The following UGT2A2 variants were observed in gnomAD, a reference collection of about 807,000 sequenced individuals.
UGT2A2 encodes the protein UDP glucuronosyltransferase family 2 member A2.
In UGT2A2, 60 loss-of-function variants were observed where a neutral mutation model predicts 50.7. The observed-to-expected ratio is 1.18, with a 90% confidence interval of 0.96 to 1.47. The LOEUF is 1.47. UGT2A2 is among the 40% of genes most tolerant of loss of function. The probability of loss-of-function intolerance (pLI) is 0.00; values close to 1 mark genes in which losing one functional copy is unlikely to be tolerated. For missense variants in UGT2A2, 762 were observed against 634.0 expected, an observed-to-expected ratio of 1.20 and a Z score of -2.17; for synonymous variants, 242 against 214.6, an observed-to-expected ratio of 1.13 and a Z score of -1.11.
At chr4:69,618,267 T>C (rs1452630886) in intron 1 of UGT2A2, among the ~76,000 whole-genome samples, 2 of 148,598 alleles carry the variant, frequency 1.3e-5, no homozygotes, top group East Asian at 4.0e-4. Context: ...GAAGAATGTA[T>C]TACATTTGGT....
intron 1 of UGT2A2, among the ~76,000 whole-genome samples, chr4:69,629,621 T>C (rs1388213270): frequency 6.6e-6 from 1 of 151,982 alleles, no homozygotes; most frequent in African/African-American, 2.4e-5. Context: ...TTCAGGTGAG[T>C]TAGTTGATAA....
At chr4:69,619,431 A>G (rs1314013525) in intron 1 of UGT2A2, among the ~76,000 whole-genome samples, 1 of 151,570 alleles carries the variant, frequency 6.6e-6, no homozygotes, top group African/African-American at 2.4e-5. Context: ...ATAAAATAAA[A>G]TAAAATAAAA....
At chr4:69,609,689 TATACC>T (rs1308459126) in intron 1 of UGT2A2, among the ~76,000 whole-genome samples, 1 of 55,822 alleles carries the variant, frequency 1.8e-5, no homozygotes, top group Non-Finnish European at 3.9e-5. Flanking sequence ...TACCCACACC[TATACC>T]TATACCTATA....
At chr4:69,638,847 A>G (rs1721874102) in intron 1 of UGT2A2, 52 bp downstream of exon 1, 2 of 1,468,844 alleles carry the variant, frequency 1.4e-6, no homozygotes, top group East Asian at 4.8e-5. Context: ...ATATGACAAT[A>G]AGAATAAATA....
chr4:69,595,085 GAATTTATTTGC>G (rs918860499), intron 4 of UGT2A2, 66 bp downstream of exon 4: 5 of 1,522,224 alleles, frequency 3.3e-6, no homozygotes, highest in Non-Finnish European at 4.5e-6. Flanking sequence ...AAAATGTATT[GAATTTATTTGC>G]TATTAAACAG....
chr4:69,600,712 A>G (rs552891117), intron 1 of UGT2A2, among the ~76,000 whole-genome samples: 1 of 152,212 alleles, frequency 6.6e-6, no homozygotes, highest in African/African-American at 2.4e-5. Context: ...GGCCTCAGGA[A>G]GCATCTAATC....
At chr4:69,637,774 T>C (rs1244431416) in intron 1 of UGT2A2, among the ~76,000 whole-genome samples, 1 of 152,148 alleles carries the variant, frequency 6.6e-6, no homozygotes, top group East Asian at 1.9e-4. Context: ...TGATCTGTTT[T>C]GCTTATTGTT....
Position 69,595,228 on chromosome 4 carries a change from T to G in UGT2A2, c.1045A>C (p.Lys349Gln). The G allele has an allele frequency of 6.2e-7, 1 of 1,613,808 alleles. No homozygotes were observed. The highest frequency in any genetic ancestry group is 8.5e-7 in the Non-Finnish European group (1 of 1,179,846). The change falls in exon 4 of 6, where the codon AAG (lysine) becomes CAG (glutamine). Residue 349 changes from lysine to glutamine, a missense_variant. Coordinates refer to ENST00000604629, the MANE Select transcript of UGT2A2 (RefSeq NM_001105677.2). ...PQKVLWRYKG[K>Q]KPATLGNNTQ... ...TTGTTTCCTAATGTGGCTGGTTTCT[T>G]TCCTTTGTATCTCCATAAAACCTGT...
At chr4:69,628,228 A>G (rs1406510635) in intron 1 of UGT2A2, among the ~76,000 whole-genome samples, 4 of 151,882 alleles carry the variant, frequency 2.6e-5, no homozygotes, top group Non-Finnish European at 5.9e-5. Flanking sequence ...TTAAAATCCC[A>G]CTGGCATTTT....
In UGT2A2 at chr4:69,631,077, T is replaced by G. The variant is rs192608713; in HGVS notation, c.742+7822A>C. On this transcript the variant is annotated intron_variant, in intron 1 of 5. Transcript: ENST00000604629. ...CTCTTTCTTAAACTATAACACTACT[T>G]TCTCATTTGAAAAAGAGAATCAGTG... is the stretch of plus-strand genomic sequence containing the variant. Among the ~76,000 whole-genome samples, 552 of 152,236 alleles carry G rather than the reference T, an allele frequency of 3.6e-3. 2 individuals carry two copies. Among genetic ancestry groups the G allele is most frequent in the African/African-American group, 0.013 (531 of 41,584 alleles).
intron 1 of UGT2A2, among the ~76,000 whole-genome samples, chr4:69,627,969 C>T (rs1721183686): frequency 6.6e-6 from 1 of 151,886 alleles, no homozygotes; most frequent in South Asian, 2.1e-4. Flanking sequence ...CCACAGATTG[C>T]CTTTTAAGTT....
chr4:69,591,031 G>T (rs1718568174), intron 5 of UGT2A2, among the ~76,000 whole-genome samples: 1 of 151,944 alleles, frequency 6.6e-6, no homozygotes. Context: ...TTTGGTTTAG[G>T]GTTAAAGTGA....
intron 1 of UGT2A2, among the ~76,000 whole-genome samples, chr4:69,626,359 A>G (rs531162324): frequency 6.6e-6 from 1 of 151,814 alleles, no homozygotes; most frequent in South Asian, 2.1e-4. Context: ...TGGCAAAAAA[A>G]AAACTATATA....
chr4:69,590,657 G>GTGTA (rs780016560), intron 5 of UGT2A2, among the ~76,000 whole-genome samples: 8 of 151,842 alleles, frequency 5.3e-5, no homozygotes, highest in Non-Finnish European at 1.2e-4. Context: ...GTGTGTGTGT[G>GTGTA]TGTTTGTGTG....
chr4:69,618,536 A>T (rs370291826), intron 1 of UGT2A2, among the ~76,000 whole-genome samples: 9 of 151,966 alleles, frequency 5.9e-5, no homozygotes, highest in African/African-American at 2.2e-4. Context: ...GTGGCCGTTG[A>T]ATGAGAATTT....
chr4:69,631,966 C>T (rs1721412971), intron 1 of UGT2A2, among the ~76,000 whole-genome samples: 1 of 152,046 alleles, frequency 6.6e-6, no homozygotes, highest in African/African-American at 2.4e-5. Context: ...ATTAAAATGA[C>T]AATATAAGCA....
intron 1 of UGT2A2, among the ~76,000 whole-genome samples, chr4:69,610,855 T>C (rs1328850797): frequency 1.3e-5 from 2 of 152,204 alleles, no homozygotes; most frequent in Non-Finnish European, 2.9e-5. Context: ...GTTCTTGTAT[T>C]AGTTTGCTAG....
intron 1 of UGT2A2, among the ~76,000 whole-genome samples, chr4:69,621,482 T>C (rs1720753238): frequency 6.6e-6 from 1 of 151,848 alleles, no homozygotes; most frequent in African/African-American, 2.4e-5. Context: ...TTAGCTTTTA[T>C]TAAAAAGTAA....
rs777523507 is a variant in UGT2A2 at position 69,639,618 on chromosome 4, G to A, written c.23C>T (p.Thr8Ile). ...CATCTGGACAAACTTCTTAGGCATG[G>A]TAAAATCCCTTATGGAAACCATCCT... The part of the protein sequence containing the change: MVSIRDF[T>I]MPKKFVQMLV... The change falls in exon 1 of 6, where the codon ACC becomes ATC. Residue 8 changes from threonine (T) to isoleucine (I), a missense_variant. Physicochemically the swap from Thr to Ile is moderately conservative, Grantham distance 89. Coordinates refer to ENST00000604629, the MANE Select transcript of UGT2A2 (RefSeq NM_001105677.2). 6.3e-7 allele frequency: 1 copy of A among 1,591,324 alleles called. No individual in the cohort carries two copies. The highest frequency in any genetic ancestry group is 8.5e-7 in the Non-Finnish European group (1 of 1,171,934).
Sources: allele counts gnomAD v4.1 joint callset (sites outside exome capture counted in the v4.1 genomes callset), GRCh38; gene constraint gnomAD v4.1.1; transcripts MANE v1.5; gene names NCBI Gene and HGNC (gene_info 2026-07-23, HGNC 2026-07-21).